PEX11G: variants seen among roughly 807,000 people sequenced by gnomAD.
PEX11G encodes the protein peroxisomal biogenesis factor 11 gamma, also known as peroxisomal membrane protein 11C.
Under a neutral mutation model 22.5 loss-of-function variants are expected in PEX11G, and 20 were observed. The observed-to-expected ratio is 0.89, with a 90% confidence interval of 0.62 to 1.29. The LOEUF (loss-of-function observed/expected upper bound fraction) is 1.29. Ranked by LOEUF, PEX11G falls within the 50% of genes most tolerant of loss-of-function variation. PEX11G has a pLI of 0.00. For missense variants in PEX11G, 347 were observed against 331.3 expected (o/e 1.05, Z -0.37); for synonymous variants, 141 against 154.5 (o/e 0.91, Z 0.65).
intron 1 of PEX11G, among the ~76,000 whole-genome samples, chr19:7,488,131 G>A (rs531364783): frequency 3.3e-5 from 5 of 152,350 alleles, no homozygotes; most frequent in Middle Eastern, 3.4e-3. Flanking sequence ...CAACTACAGT[G>A]GCCCGGTCAG....
intron 3 of PEX11G, among the ~76,000 whole-genome samples, chr19:7,480,615 C>T (rs1262437350): frequency 2.0e-5 from 3 of 152,224 alleles, no homozygotes; most frequent in African/African-American, 7.2e-5. Flanking sequence ...GAATCTTCTA[C>T]TCTGAGGTTT....
upstream of PEX11G, chr19:7,489,254 C>T: frequency 1.6e-6 from 2 of 1,235,250 alleles, no homozygotes; most frequent in Non-Finnish European, 2.0e-6. Context: ...TGCCCCACGG[C>T]GGTTTGGCCA....
chr19:7,480,076 C>A (rs1289754147), intron 3 of PEX11G, among the ~76,000 whole-genome samples: 2 of 152,018 alleles, frequency 1.3e-5, no homozygotes, highest in African/African-American at 4.8e-5. Flanking sequence ...CCAGTCTGGG[C>A]AACATGGCAA....
At chr19:7,482,325 T>C (rs1295304079) in intron 2 of PEX11G, 114 bp from the exon 3 acceptor site, 3 of 1,234,330 alleles carry the variant, frequency 2.4e-6, no homozygotes, top group South Asian at 3.1e-5. Context: ...CCCTGGGCCG[T>C]GTCCAGGCCT....
At position 7,477,204 on chromosome 19, in the gene PEX11G, AG is replaced by A; in HGVS notation, c.723del (p.Ter242AspfsTer37). The A allele has an allele frequency of 2.7e-6, 4 of 1,490,518 alleles. No homozygotes were observed. The highest frequency in any genetic ancestry group is 2.6e-5 in the Admixed American group (1 of 39,130). The allele number at this position is 1,490,518 out of a possible 1,614,324, so 92.3% of individuals were successfully genotyped here. A position where few individuals can be genotyped will look rare whatever the true frequency, so the allele number is the denominator to read the frequency against. On this transcript the variant is annotated frameshift_variant, in exon 5 of 5. Transcript: ENST00000221480. LOFTEE classifies it high-confidence loss of function. The stretch of plus-strand genomic sequence containing the variant: ...GTCCCTGTGCTCTTCCGGCAGTGTC[AG>A]GGGGTAGTGGCCTCGGCCTGGCCGC... ...RAGGQAEATT[P>X]
intron 3 of PEX11G, among the ~76,000 whole-genome samples, chr19:7,478,752 G>A (rs1977354062): frequency 2.0e-5 from 3 of 152,350 alleles, no homozygotes; most frequent in East Asian, 1.9e-4. Flanking sequence ...GCGTGGGGAC[G>A]CCGTTTCCCC....
intron 2 of PEX11G, among the ~76,000 whole-genome samples, chr19:7,483,865 G>A (rs115190553): frequency 0.011 from 1,619 of 152,280 alleles, 33 homozygotes; most frequent in African/African-American, 0.037. Context: ...CCCGTGGGGG[G>A]CAAGATGGCT....
intron 1 of PEX11G, among the ~76,000 whole-genome samples, chr19:7,486,396 G>C (rs1204705205): frequency 1.3e-5 from 2 of 152,174 alleles, no homozygotes; most frequent in Non-Finnish European, 2.9e-5. Context: ...AAAGTGCTGG[G>C]ATTACAGGCA....
At chr19:7,490,922 T>G (rs2021876281), upstream of PEX11G, 1 of 152,008 alleles carries the variant, frequency 6.6e-6, no homozygotes, top group South Asian at 2.1e-4. Flanking sequence ...CACAGGTGCC[T>G]GCCACCACAA....
upstream of PEX11G, among the ~76,000 whole-genome samples, chr19:7,490,230 A>G (rs1277458974): frequency 6.6e-6 from 1 of 152,086 alleles, no homozygotes. Context: ...CTATATAAGC[A>G]GGAGTTATAT....
chr19:7,478,466 A>G (rs1977337774), intron 3 of PEX11G, 90 bp from the exon 4 acceptor site: 2 of 1,363,410 alleles, frequency 1.5e-6, no homozygotes, highest in Admixed American at 3.9e-5. Flanking sequence ...AGTCTGGGAC[A>G]GGTGCTGCAT....
In PEX11G at chr19:7,482,226, G is replaced by A. The variant is rs1977529533; in HGVS notation, c.250-15C>T. The A allele has an allele frequency of 1.3e-6, 2 of 1,548,834 alleles. No homozygotes were observed. On this transcript the variant is annotated splice_polypyrimidine_tract_variant and intron_variant, in intron 2 of 4. Coordinates refer to ENST00000221480, the MANE Select transcript of PEX11G (RefSeq NM_080662.4). ...GCGTCCTCCTCCTGCAGGACCAGGA[G>A]CAGAGGGGGCCTAGGGTCAGACTTA...
At chr19:7,482,543 C>T (rs78096809) in intron 2 of PEX11G, among the ~76,000 whole-genome samples, 4,329 of 152,322 alleles carry the variant, frequency 0.028, 108 homozygotes, top group East Asian at 0.11. Context: ...GCCCCAGTAC[C>T]GGGAATTTTC....
At chr19:7,489,077 C>G (rs995997049), upstream of PEX11G, 42 of 1,423,746 alleles carry the variant, frequency 2.9e-5, no homozygotes, top group Non-Finnish European at 3.2e-5. Context: ...GCCGGGGTAC[C>G]GGGAGCGCCC....
In PEX11G at chr19:7,479,209, C is replaced by T. The variant is rs149742968; in HGVS notation, c.429-833G>A. Among the ~76,000 whole-genome samples the T allele has an allele frequency of 1.3e-4, 20 of 152,306 alleles. No individual in the cohort carries two copies. In the East Asian group the frequency reaches 3.7e-3, roughly 28 times the overall value. Reference sequence around the variant, plus strand: ...ACAGAATCAGAAGCTCTGGGCCAAGCGCGATGGCTCACACCTGTAATCCCG... The same window carrying T: ...ACAGAATCAGAAGCTCTGGGCCAAGTGCGATGGCTCACACCTGTAATCCCG... On this transcript the variant is annotated intron_variant, in intron 3 of 4. Coordinates refer to ENST00000221480, the MANE Select transcript of PEX11G (RefSeq NM_080662.4).
chr19:7,479,920 T>C (rs1486403659), intron 3 of PEX11G, among the ~76,000 whole-genome samples: 1 of 151,982 alleles, frequency 6.6e-6, no homozygotes, highest in Non-Finnish European at 1.5e-5. Flanking sequence ...ATATGGGAGC[T>C]CTCTGAACGT....
At position 7,477,173 on chromosome 19, in the gene PEX11G, G is replaced by T; in HGVS notation, c.*29C>A. 7.0e-7 allele frequency: 1 copy of T among 1,429,610 alleles called. No individual in the cohort carries two copies. Among genetic ancestry groups the T allele is most frequent in the Non-Finnish European group, 9.2e-7 (1 of 1,090,180 alleles). 88.6% of individuals were successfully genotyped at this position (1,429,610 alleles called of 1,614,324 possible). On this transcript the variant is annotated 3_prime_UTR_variant, in exon 5 of 5. Coordinates refer to ENST00000221480, the MANE Select transcript of PEX11G (RefSeq NM_080662.4). ...GCGGGAAGGGCCCTCCGTGGGCTCTGGCTGTGTCCCTGTGCTCTTCCGGCA... is the reference window on the plus strand; with the variant it reads ...GCGGGAAGGGCCCTCCGTGGGCTCTTGCTGTGTCCCTGTGCTCTTCCGGCA...
At chr19:7,480,447 G>A (rs1452675433) in intron 3 of PEX11G, among the ~76,000 whole-genome samples, 1 of 152,164 alleles carries the variant, frequency 6.6e-6, no homozygotes, top group Non-Finnish European at 1.5e-5. Context: ...ACACAGGGAA[G>A]GCCAGCAGCA....
At position 7,482,062 on chromosome 19, in the gene PEX11G, C is replaced by A; in HGVS notation, c.399G>T (p.Trp133Cys). ...SRWWTLSTTL[W>C]ALSLLLGVAR... ...CAACCCCCAGGAGCAGAGAGAGGGC[C>A]CACAGGGTTGTACTCAGCGTCCACC... The change falls in exon 3 of 5, where the codon TGG becomes TGT. Residue 133 changes from tryptophan (W) to cysteine (C), a missense_variant. Physicochemically the swap from Trp to Cys is radical, Grantham distance 215. Transcript: ENST00000221480. 1 of 1,605,200 alleles carries A rather than the reference C, an allele frequency of 6.2e-7. No homozygotes were observed. The highest frequency in any genetic ancestry group is 8.5e-7 in the Non-Finnish European group (1 of 1,177,018).
Sources: allele counts gnomAD v4.1 joint callset (sites outside exome capture counted in the v4.1 genomes callset), GRCh38; gene constraint gnomAD v4.1.1; transcripts MANE v1.5; gene names NCBI Gene and HGNC (gene_info 2026-07-23, HGNC 2026-07-21).